The following USH2A variants were observed in gnomAD, a reference collection of about 807,000 sequenced individuals.
USH2A encodes the protein usherin.
Under a neutral mutation model 538.9 loss-of-function variants are expected in USH2A, and 443 were observed. The ratio of observed to expected loss-of-function variants is 0.82; its 90% CI spans 0.76 to 0.89. USH2A has a LOEUF of 0.89. Among genes scored for constraint, USH2A ranks in the 40% least tolerant of loss-of-function variants. The pLI is 0.00. For missense variants in USH2A, 6,633 were observed against 6,324.8 expected, an observed-to-expected ratio of 1.05 and a Z score of -1.65; for synonymous variants, 2,413 against 2,273.5, an observed-to-expected ratio of 1.06 and a Z score of -1.75.
chr1:216,390,067 G>A (rs1213232813), intron 3 of USH2A, among the ~76,000 whole-genome samples: 1 of 152,040 alleles, frequency 6.6e-6, no homozygotes, highest in Admixed American at 6.6e-5. Flanking sequence ...AAATAATTTT[G>A]AAAAATATTT....
intron 49 of USH2A, among the ~76,000 whole-genome samples, chr1:215,804,122 C>G (rs998115086): frequency 2.0e-5 from 3 of 152,138 alleles, no homozygotes; most frequent in African/African-American, 7.2e-5. Context: ...ACACCTTATA[C>G]AAAAATCAAT....
intron 61 of USH2A, among the ~76,000 whole-genome samples, chr1:215,710,404 G>A (rs73082826): frequency 0.025 from 3,770 of 152,232 alleles, 149 homozygotes; most frequent in African/African-American, 0.086. Flanking sequence ...AAACTACAGT[G>A]AACTATGGCT....
At chr1:216,400,513 T>C (rs1214148534) in intron 3 of USH2A, among the ~76,000 whole-genome samples, 1 of 151,654 alleles carries the variant, frequency 6.6e-6, no homozygotes, top group Non-Finnish European at 1.5e-5. Flanking sequence ...GCAGTGAAAA[T>C]GTATTCAAGA....
chr1:215,824,455 A>G (rs1028270767), intron 47 of USH2A, among the ~76,000 whole-genome samples: 5 of 152,020 alleles, frequency 3.3e-5, no homozygotes, highest in African/African-American at 4.8e-5. Flanking sequence ...CTATCAGAAT[A>G]CCACCTTTCC....
At chr1:215,812,232 C>T (rs113469005) in intron 49 of USH2A, among the ~76,000 whole-genome samples, 10,401 of 151,916 alleles carry the variant, frequency 0.068, 632 homozygotes, top group African/African-American at 0.16. Context: ...GTGATCCACC[C>T]GCCTCAGCCT....
At chr1:216,405,029 C>T (rs1200701851) in intron 3 of USH2A, among the ~76,000 whole-genome samples, 1 of 151,878 alleles carries the variant, frequency 6.6e-6, no homozygotes, top group Non-Finnish European at 1.5e-5. Flanking sequence ...CACACAGCAC[C>T]ATGCCCAGCC....
At chr1:215,840,163 C>CAAAAAAA (rs60766928) in intron 46 of USH2A, among the ~76,000 whole-genome samples, 3 of 29,522 alleles carry the variant, frequency 1.0e-4, no homozygotes, top group African/African-American at 2.2e-4. Context: ...GACTCTGTCT[C>CAAAAAAA]AAAAAAAAAA....
chr1:216,264,550 A>T (rs938506719), intron 11 of USH2A, among the ~76,000 whole-genome samples: 2 of 152,118 alleles, frequency 1.3e-5, no homozygotes, highest in East Asian at 3.9e-4. Context: ...TGTCCAACTC[A>T]GCCTCCCAAA....
chr1:215,831,632 G>T (rs1663317879), intron 47 of USH2A, among the ~76,000 whole-genome samples: 2 of 151,976 alleles, frequency 1.3e-5, no homozygotes, highest in Non-Finnish European at 1.5e-5. Flanking sequence ...AGTCTCAAGA[G>T]AAATTAAAAT....
At chr1:215,721,803 C>G (rs989044622) in intron 61 of USH2A, among the ~76,000 whole-genome samples, 6 of 152,108 alleles carry the variant, frequency 3.9e-5, no homozygotes, top group African/African-American at 1.4e-4. Context: ...GTGGCTCAAG[C>G]CTGTAATTCC....
intron 4 of USH2A, among the ~76,000 whole-genome samples, chr1:216,339,297 C>T (rs2038031563): frequency 6.6e-6 from 1 of 151,410 alleles, no homozygotes; most frequent in Non-Finnish European, 1.5e-5. Flanking sequence ...TGAGCACTTA[C>T]ATAAATACTA....
At chr1:216,415,668 G>A (rs923610326) in intron 3 of USH2A, among the ~76,000 whole-genome samples, 7 of 151,588 alleles carry the variant, frequency 4.6e-5, no homozygotes, top group Non-Finnish European at 7.4e-5. Context: ...CTACAGACAC[G>A]CACCATCACA....
At chr1:215,815,736 A>T (rs1192910215) in intron 48 of USH2A, among the ~76,000 whole-genome samples, 1 of 152,042 alleles carries the variant, frequency 6.6e-6, no homozygotes, top group Non-Finnish European at 1.5e-5. Context: ...ACATTTTAAG[A>T]ACATCCACCT....
chr1:216,113,617 T>G (rs1448566473), intron 21 of USH2A, among the ~76,000 whole-genome samples: 1 of 152,158 alleles, frequency 6.6e-6, no homozygotes, highest in Non-Finnish European at 1.5e-5. Flanking sequence ...GCATCCTTAT[T>G]ATTGATCTGT....
intron 47 of USH2A, among the ~76,000 whole-genome samples, chr1:215,819,012 T>C (rs1186163148): frequency 6.6e-6 from 1 of 151,808 alleles, no homozygotes; most frequent in African/African-American, 2.4e-5. Flanking sequence ...TAGGTGAAGC[T>C]CTGACATTCA....
At chr1:216,072,828 T>C in intron 29 of USH2A, 61 bp downstream of exon 29, 1 of 1,473,092 alleles carries the variant, frequency 6.8e-7, no homozygotes. Context: ...TCCTTTTATA[T>C]AAATGCACAA....
rs1460065221 is a variant in USH2A at position 215,664,356 on chromosome 1, G to A, written c.14133+6616C>T. 3.3e-5 allele frequency among the ~76,000 whole-genome samples: 5 copies of A among 152,256 alleles called. No homozygotes were observed. The East Asian group carries it at 5.8e-4, about 18-fold the overall frequency. ...GAGACACAACTAATTATATTTCCAT[G>A]TGTCCATCTTGGTGATGAATAACCA... On this transcript the variant is annotated intron_variant, in intron 64 of 71. Coordinates refer to ENST00000307340, the MANE Select transcript of USH2A (RefSeq NM_206933.4).
At chr1:216,123,007 G>C (rs1174399287) in intron 21 of USH2A, among the ~76,000 whole-genome samples, 1 of 152,156 alleles carries the variant, frequency 6.6e-6, no homozygotes, top group African/African-American at 2.4e-5. Context: ...AAGGAAAAGA[G>C]CAAACTTAAT....
At chr1:215,703,655 C>A (rs1010695262) in intron 61 of USH2A, among the ~76,000 whole-genome samples, 1 of 152,090 alleles carries the variant, frequency 6.6e-6, no homozygotes, top group East Asian at 1.9e-4. Context: ...TGGTGGACAT[C>A]CCTCCCCGAA....
Sources: allele counts gnomAD v4.1 joint callset (sites outside exome capture counted in the v4.1 genomes callset), GRCh38; gene constraint gnomAD v4.1.1; transcripts MANE v1.5; gene names NCBI Gene and HGNC (gene_info 2026-07-23, HGNC 2026-07-21).